PGAP1: variants seen among roughly 807,000 people sequenced by gnomAD.
PGAP1 encodes the protein post-GPI attachment to proteins inositol deacylase 1.
PGAP1 carries 76 observed loss-of-function variants against 127.0 expected under a neutral mutation model. That is an observed-to-expected ratio of 0.60 (90% CI 0.50 to 0.72). The LOEUF is 0.72. Among genes scored for constraint, PGAP1 ranks in the 30% least tolerant of loss-of-function variants. The pLI is 0.00. For missense variants in PGAP1, 982 were observed against 1,071.3 expected (o/e 0.92, Z 1.16); for synonymous variants, 362 against 366.5 (o/e 0.99, Z 0.14).
intron 12 of PGAP1, among the ~76,000 whole-genome samples, chr2:196,880,670 C>T (rs1343023108): frequency 1.3e-5 from 2 of 152,066 alleles, no homozygotes; most frequent in Non-Finnish European, 2.9e-5. Flanking sequence ...TGCACATCAT[C>T]CCCTGGAATT....
intron 3 of PGAP1, among the ~76,000 whole-genome samples, chr2:196,914,914 C>T (rs756126692): frequency 4.0e-5 from 6 of 151,440 alleles, no homozygotes; most frequent in Non-Finnish European, 7.4e-5. Flanking sequence ...TCCTAGGCTC[C>T]GAGTAGATCC....
rs763884002 is a variant in PGAP1, at chr2:196,847,165, A to G, written c.1988T>C (p.Leu663Ser). ...KWFKELWDVLLLPELDAVILT... is the reference protein window; with the variant it reads ...KWFKELWDVLSLPELDAVILT... ...AATGACGGCATCTAATTCTGGTAAC[A>G]ATAATACATCCCACAATTCTTTAAA... Residue 663 changes from leucine (L) to serine (S), a missense_variant, in exon 22 of 27, where the codon TTG becomes TCG. Leu to Ser is a moderately radical substitution (Grantham distance 145). Coordinates refer to ENST00000354764, the MANE Select transcript of PGAP1 (RefSeq NM_024989.4). 2.5e-6 allele frequency: 4 copies of G among 1,613,036 alleles called. No homozygotes were observed. Among genetic ancestry groups the G allele is most frequent in the Non-Finnish European group, 3.4e-6 (4 of 1,179,388 alleles).
In PGAP1 at chr2:196,835,414, T is replaced by A. The variant is rs1157098700; in HGVS notation, c.*5820A>T. Reference sequence around the variant, plus strand: ...ACAACAATGTACATCACAAATTAAATCTGAAGCAAGATTACTTCAAATAAT... The same window carrying A: ...ACAACAATGTACATCACAAATTAAAACTGAAGCAAGATTACTTCAAATAAT... On this transcript the variant is annotated 3_prime_UTR_variant, in exon 27 of 27. Transcript: ENST00000354764. 1 of 151,968 alleles carries A rather than the reference T, an allele frequency of 6.6e-6. No homozygotes were observed. Among genetic ancestry groups the A allele is most frequent in the Non-Finnish European group, 1.5e-5 (1 of 67,874 alleles). 9.4% of individuals were successfully genotyped at this position (151,968 alleles called of 1,614,324 possible).
rs1700174445 is a variant in PGAP1 at position 196,834,207 on chromosome 2, AC to A, written c.*7026del. 6.6e-6 allele frequency: 1 copy of A among 152,026 alleles called. No homozygotes were observed. The allele number at this position is 152,026 out of a possible 1,614,324, so 9.4% of individuals were successfully genotyped here. On this transcript the variant is annotated 3_prime_UTR_variant, in exon 27 of 27. Coordinates refer to ENST00000354764, the MANE Select transcript of PGAP1 (RefSeq NM_024989.4). ...CTTCTCCTAGAATATTTTTTCAGAA[AC>A]CTAAGCCAAACCTAATTTTCTACAT...
intron 7 of PGAP1, among the ~76,000 whole-genome samples, chr2:196,896,280 G>A (rs998498289): frequency 6.6e-6 from 1 of 152,138 alleles, no homozygotes; most frequent in Non-Finnish European, 1.5e-5. Flanking sequence ...AAGTTCTGGT[G>A]AGCTTAGGTT....
chr2:196,897,326 T>C (rs1412942503), intron 6 of PGAP1, 129 bp from the exon 7 acceptor site: 1 of 476,002 alleles, frequency 2.1e-6, no homozygotes, highest in Non-Finnish European at 3.8e-6. Context: ...AAAAATTATG[T>C]AACAAATCAT....
intron 20 of PGAP1, among the ~76,000 whole-genome samples, chr2:196,858,311 A>G (rs1291725875): frequency 1.3e-5 from 2 of 152,040 alleles, no homozygotes; most frequent in Admixed American, 1.3e-4. Context: ...CTGAGGCAGG[A>G]GAATGGCGTA....
intron 20 of PGAP1, among the ~76,000 whole-genome samples, chr2:196,861,897 A>T (rs1003664998): frequency 2.0e-5 from 3 of 151,330 alleles, no homozygotes; most frequent in Admixed American, 6.6e-5. Flanking sequence ...TCTTTACCTT[A>T]ATCTCTTAAT....
intron 20 of PGAP1, among the ~76,000 whole-genome samples, chr2:196,852,673 A>G (rs1650068769): frequency 1.3e-5 from 2 of 152,116 alleles, no homozygotes; most frequent in Non-Finnish European, 2.9e-5. Context: ...GAAACAAGAT[A>G]GAAAGGAACC....
chr2:196,845,141 C>T (rs1362454074), intron 23 of PGAP1, among the ~76,000 whole-genome samples: 1 of 151,652 alleles, frequency 6.6e-6, no homozygotes, highest in East Asian at 1.9e-4. Context: ...TTAAAAAATA[C>T]TAAAATTATT....
chr2:196,918,384 A>G (rs1488084170), intron 2 of PGAP1, among the ~76,000 whole-genome samples: 1 of 152,198 alleles, frequency 6.6e-6, no homozygotes, highest in Non-Finnish European at 1.5e-5. Flanking sequence ...CAGGAAACAT[A>G]TGGAATAATA....
At chr2:196,903,577 A>AAAAAG (rs1559365408) in intron 4 of PGAP1, among the ~76,000 whole-genome samples, 4 of 151,422 alleles carry the variant, frequency 2.6e-5, no homozygotes, top group Admixed American at 6.6e-5. Flanking sequence ...AAAAAAAAAA[A>AAAAAG]AAAAGAAAAG....
In PGAP1 at chr2:196,872,656, G is replaced by C. The variant is rs543779760; in HGVS notation, c.1620-107C>G. On this transcript the variant is annotated intron_variant, in intron 17 of 26. Transcript: ENST00000354764. Reference sequence around the variant, plus strand: ...CAACTGAATAATGTAGAGGAAGCTAGGTGCCAGACACATAATTGTGGATGG... The same window carrying C: ...CAACTGAATAATGTAGAGGAAGCTACGTGCCAGACACATAATTGTGGATGG... 113 of 750,144 alleles carry C rather than the reference G, an allele frequency of 1.5e-4. 1 individual carries two copies. The South Asian group carries it at 1.9e-3, about 13-fold the overall frequency. 46.5% of individuals were successfully genotyped at this position (750,144 alleles called of 1,614,324 possible).
intron 2 of PGAP1, among the ~76,000 whole-genome samples, chr2:196,919,254 G>T (rs766733698): frequency 1.3e-5 from 2 of 152,128 alleles, no homozygotes; most frequent in African/African-American, 2.4e-5. Flanking sequence ...ATGAGAGAGG[G>T]ACTTTGTCTT....
intron 12 of PGAP1, 35 bp downstream of exon 12, chr2:196,885,389 C>T (rs771610231): frequency 1.4e-6 from 2 of 1,466,132 alleles, no homozygotes; most frequent in East Asian, 2.3e-5. Context: ...GTATTTTTTT[C>T]AACTGAATAT....
At chr2:196,856,868 C>T (rs1387261459) in intron 20 of PGAP1, among the ~76,000 whole-genome samples, 1 of 152,168 alleles carries the variant, frequency 6.6e-6, no homozygotes, top group Non-Finnish European at 1.5e-5. Flanking sequence ...GATCATTTTA[C>T]TTTGTATTTC....
Position 196,885,888 on chromosome 2 carries a change from T to G in PGAP1, c.1174-8A>C. The G allele has an allele frequency of 7.2e-7, 1 of 1,396,474 alleles. No individual in the cohort carries two copies. The highest frequency in any genetic ancestry group is 9.3e-7 in the Non-Finnish European group (1 of 1,069,634). 86.5% of individuals were successfully genotyped at this position (1,396,474 alleles called of 1,614,324 possible). On this transcript the variant is annotated splice_polypyrimidine_tract_variant and splice_region_variant and intron_variant, in intron 10 of 26. Coordinates refer to ENST00000354764, the MANE Select transcript of PGAP1 (RefSeq NM_024989.4). ...AATCCAACTATTTGTATCCTGTTGA[T>G]GAACAGCACAAAACAAAACACACTA...
intron 19 of PGAP1, among the ~76,000 whole-genome samples, chr2:196,868,803 A>G (rs886756568): frequency 4.6e-5 from 7 of 152,140 alleles, no homozygotes; most frequent in Non-Finnish European, 7.4e-5. Context: ...ATTTTCTCCA[A>G]TCTTCTGTGA....
intron 20 of PGAP1, among the ~76,000 whole-genome samples, chr2:196,859,871 A>C (rs751482527): frequency 1.8e-4 from 28 of 152,156 alleles, no homozygotes; most frequent in Non-Finnish European, 3.8e-4. Flanking sequence ...AAAACAATAA[A>C]GGCCAAATAT....
Sources: gnomAD v4.1 joint callset for allele counts (sites outside exome capture counted in the v4.1 genomes callset) on GRCh38, gnomAD v4.1.1 for gene constraint, MANE v1.5 for transcripts, NCBI Gene and HGNC (gene_info 2026-07-23, HGNC 2026-07-21) for gene names.